Variants in EIF4G3 observed in about 807,000 individuals in gnomAD.
The protein encoded by EIF4G3 is eIF-4-gamma 3.
In EIF4G3, 34 loss-of-function variants were observed where a neutral mutation model predicts 186.4. That is an observed-to-expected ratio of 0.18 (90% CI 0.14 to 0.24). EIF4G3 has a LOEUF of 0.24. Ranked by LOEUF, EIF4G3 falls within the 10% of genes least tolerant of loss-of-function variation. The pLI is 1.00. For synonymous variants in EIF4G3, 673 were observed against 679.5 expected, an observed-to-expected ratio of 0.99 and a Z score of 0.15; for missense variants, 1,536 against 1,948.5, an observed-to-expected ratio of 0.79 and a Z score of 3.99.
chr1:21,120,516 T>C (rs755017715), intron 2 of EIF4G3, among the ~76,000 whole-genome samples: 6 of 149,612 alleles, frequency 4.0e-5, no homozygotes, highest in Non-Finnish European at 1.5e-5. Context: ...TAATCCCAGC[T>C]ACTTGAGCAG....
chr1:21,163,611 G>GT (rs1258044233), intron 2 of EIF4G3, among the ~76,000 whole-genome samples: 5 of 152,130 alleles, frequency 3.3e-5, no homozygotes, highest in South Asian at 2.1e-4. Context: ...CAACTGAAGA[G>GT]TTTTTTTGTG....
In EIF4G3 at chr1:20,942,195, A is replaced by G; in HGVS notation, c.959T>C (p.Leu320Pro). The change falls in exon 14 of 37, where the codon CTG becomes CCG. Residue 320 changes from leucine (L) to proline (P), a missense_variant. Transcript: ENST00000602326. ...AGAAACAGTGGTAGGTGATGGAGGC[A>G]GAGGAAGCTCTGCTATGGATACTAT... The part of the protein sequence containing the change: ...TAIVSIAELP[L>P]PPSPTTVSSV... The G allele has an allele frequency of 6.2e-7, 1 of 1,614,220 alleles. No individual in the cohort carries two copies. The highest frequency in any genetic ancestry group is 8.5e-7 in the Non-Finnish European group (1 of 1,180,026).
rs564451616 is a variant in EIF4G3 at position 20,810,297 on chromosome 1, G to C, written c.4744+441C>G. Among the ~76,000 whole-genome samples, 16 of 152,234 alleles carry C rather than the reference G, an allele frequency of 1.1e-4. No homozygotes were observed. The highest frequency in any genetic ancestry group is 3.9e-4 in the African/African-American group (16 of 41,544). On this transcript the variant is annotated intron_variant, in intron 36 of 36. Coordinates refer to ENST00000602326, the MANE Select transcript of EIF4G3 (RefSeq NM_001391906.1). This position sits in a 1 kb window ranked among gnomAD's most constrained non-coding sequence, Gnocchi z 4.1. ...AGCCTCCCAAGTAGCTGGGATTACAGGTGCCCGCCACCACACCCAGCTAAT... is the reference window on the plus strand; with the variant it reads ...AGCCTCCCAAGTAGCTGGGATTACACGTGCCCGCCACCACACCCAGCTAAT...
At chr1:21,032,164 C>T (rs1446500199) in intron 4 of EIF4G3, among the ~76,000 whole-genome samples, 2 of 152,166 alleles carry the variant, frequency 1.3e-5, no homozygotes, top group Admixed American at 1.3e-4. Context: ...TCTACTATAT[C>T]CATTAACGCT....
rs918779361 is a variant in EIF4G3 at position 21,151,485 on chromosome 1, G to A, written c.-272+24690C>T. Among the ~76,000 whole-genome samples the A allele has an allele frequency of 5.9e-5, 9 of 151,866 alleles. No individual in the cohort carries two copies. In the South Asian group the frequency reaches 1.0e-3, roughly 18 times the overall value. ...GATCTCCTGACCTCGTGATCCGCCC[G>A]CCTTGGCCTCACAAAGTGCTGGGAT... On this transcript the variant is annotated intron_variant, in intron 2 of 36. Transcript: ENST00000602326.
At chr1:21,089,360 T>C in intron 2 of EIF4G3, 147 bp from the exon 3 acceptor site, 1 of 597,660 alleles carries the variant, frequency 1.7e-6, no homozygotes, top group Non-Finnish European at 3.0e-6. Flanking sequence ...AAAAACCAAA[T>C]GTTTCAAATG....
At chr1:21,054,194 A>G (rs1037306515) in intron 3 of EIF4G3, among the ~76,000 whole-genome samples, 2 of 151,858 alleles carry the variant, frequency 1.3e-5, no homozygotes, top group African/African-American at 4.8e-5. Context: ...TCTCTGAAAC[A>G]TGTGCTGTGT....
At chr1:20,955,865 G>A (rs1263643110) in intron 12 of EIF4G3, among the ~76,000 whole-genome samples, 2 of 152,094 alleles carry the variant, frequency 1.3e-5, no homozygotes, top group Non-Finnish European at 1.5e-5. Flanking sequence ...TCATGGGTTT[G>A]GTTAGAGGAA....
intron 2 of EIF4G3, among the ~76,000 whole-genome samples, chr1:21,140,365 G>C (rs1296769593): frequency 6.6e-6 from 1 of 152,118 alleles, no homozygotes; most frequent in Non-Finnish European, 1.5e-5. Context: ...CCAGGCTGGA[G>C]TGCAGTAGCG....
chr1:20,892,845 A>T lies in EIF4G3; in HGVS notation c.2253+672T>A, dbSNP rs572122663. Reference sequence around the variant, plus strand: ...TTATCAAGGTTGGCTCGCTCTGTATATATATTTTTTCAGAGACAGGGTCTT... The same window carrying T: ...TTATCAAGGTTGGCTCGCTCTGTATTTATATTTTTTCAGAGACAGGGTCTT... On this transcript the variant is annotated intron_variant, in intron 18 of 36. Coordinates refer to ENST00000602326, the MANE Select transcript of EIF4G3 (RefSeq NM_001391906.1). 4.4e-5 allele frequency: 30 copies of T among 689,120 alleles called. No homozygotes were observed. In the Admixed American group the frequency reaches 8.2e-4, roughly 19 times the overall value. The allele number at this position is 689,120 out of a possible 1,614,324, so 42.7% of individuals were successfully genotyped here. A position where few individuals can be genotyped will look rare whatever the true frequency, so the allele number is the denominator to read the frequency against.
At chr1:21,129,893 G>A (rs1315101925) in intron 2 of EIF4G3, among the ~76,000 whole-genome samples, 2 of 152,124 alleles carry the variant, frequency 1.3e-5, no homozygotes, top group African/African-American at 4.8e-5. Context: ...GAAGAGGGGA[G>A]GTAACACTGA....
At position 20,840,864 on chromosome 1, in the gene EIF4G3, A is replaced by G. The variant is rs777137374; in HGVS notation, c.4053T>C (p.Phe1351=). 6.8e-6 allele frequency: 11 copies of G among 1,614,026 alleles called. No individual in the cohort carries two copies. The highest frequency in any genetic ancestry group is 1.7e-5 in the Admixed American group (1 of 60,008). The change falls in exon 30 of 37, where the codon TTT becomes TTC. Residue 1351 remains phenylalanine, a synonymous_variant. Coordinates refer to ENST00000602326, the MANE Select transcript of EIF4G3 (RefSeq NM_001391906.1). ...TTGAAGAGGATACTGACCCTTTGAAAAAGTCCTGTTTGCTGAGTTTTTCTG... is the reference window on the plus strand; with the variant it reads ...TTGAAGAGGATACTGACCCTTTGAAGAAGTCCTGTTTGCTGAGTTTTTCTG... ...VQSEKLSKQD[F]FKGFSETLEL... is the part of the protein sequence containing the mutation.
intron 3 of EIF4G3, among the ~76,000 whole-genome samples, chr1:21,086,178 A>T (rs1408837284): frequency 6.8e-6 from 1 of 147,696 alleles, no homozygotes; most frequent in Non-Finnish European, 1.5e-5. Flanking sequence ...CAAGAAAAAT[A>T]TCCATTACCT....
intron 34 of EIF4G3, among the ~76,000 whole-genome samples, chr1:20,815,638 C>A (rs1438581496): frequency 7.1e-6 from 1 of 141,464 alleles, no homozygotes; most frequent in Non-Finnish European, 1.6e-5. Context: ...CCACCCCGTC[C>A]GGGAGGGAGG....
chr1:20,894,741 T>A (rs534286474), intron 17 of EIF4G3, among the ~76,000 whole-genome samples: 42 of 152,342 alleles, frequency 2.8e-4, no homozygotes, highest in African/African-American at 9.9e-4. Flanking sequence ...AGCTTAATCA[T>A]CAGCTCTGAT....
At chr1:21,169,081 G>A (rs141363546) in intron 2 of EIF4G3, among the ~76,000 whole-genome samples, 23,498 of 151,812 alleles carry the variant, frequency 0.15, 2,439 homozygotes, top group Non-Finnish European at 0.23. Context: ...TGAGGTGGGA[G>A]GATTGCTTGA....
At chr1:21,007,598 T>C (rs1415849533) in intron 4 of EIF4G3, among the ~76,000 whole-genome samples, 2 of 128,928 alleles carry the variant, frequency 1.6e-5, no homozygotes, top group Non-Finnish European at 3.3e-5. Context: ...AAAGGTGAGA[T>C]TATGTACTTA....
chr1:20,817,424 C>T lies in EIF4G3; in HGVS notation c.4483G>A (p.Ala1495Thr). The change falls in exon 34 of 37, where the codon GCG (alanine) becomes ACG (threonine). Residue 1495 changes from alanine to threonine, a missense_variant. Ala to Thr is a moderately conservative substitution (Grantham distance 58, BLOSUM62 0). Coordinates refer to ENST00000602326, the MANE Select transcript of EIF4G3 (RefSeq NM_001391906.1). ...RLEKLIIEDK[A>T]NDEQIFDWVE... The stretch of plus-strand genomic sequence containing the variant: ...CAGTCAAAGATCTGTTCATCATTCG[C>T]TTTGTCCTCAATAATGAGTTTCTCG... 1.9e-6 allele frequency: 3 copies of T among 1,606,730 alleles called. No homozygotes were observed. Among genetic ancestry groups the T allele is most frequent in the Non-Finnish European group, 2.6e-6 (3 of 1,175,750 alleles).
At chr1:20,817,678 GTAGT>G in intron 33 of EIF4G3, 140 bp from the exon 34 acceptor site, 1 of 232,806 alleles carries the variant, frequency 4.3e-6, no homozygotes, top group South Asian at 1.3e-4. Flanking sequence ...TTTTATGTTT[GTAGT>G]TTTTTTTTTT....
Sources: gnomAD v4.1 joint callset for allele counts (sites outside exome capture counted in the v4.1 genomes callset) on GRCh38, gnomAD v4.1.1 for gene constraint, Gnocchi (gnomAD v3.1) non-coding constraint, MANE v1.5 for transcripts, NCBI Gene and HGNC (gene_info 2026-07-23, HGNC 2026-07-21) for gene names.